PTP4A2: variants seen among roughly 807,000 people sequenced by gnomAD.
PTP4A2 encodes protein tyrosine phosphatase 4A2.
A neutral mutation model predicts 22.9 loss-of-function variants in PTP4A2; 2 were observed. The ratio of observed to expected loss-of-function variants is 0.09; its 90% CI spans 0.04 to 0.27. The LOEUF (loss-of-function observed/expected upper bound fraction) is 0.27, where lower values mean the gene tolerates loss of function less well. PTP4A2 is among the 10% of genes least tolerant of loss of function. PTP4A2 has a pLI of 1.00. For synonymous variants in PTP4A2, 68 were observed against 69.1 expected (o/e 0.98, Z 0.08); for missense variants, 103 against 205.1 (o/e 0.50, Z 3.04).
intron 1 of PTP4A2, among the ~76,000 whole-genome samples, chr1:31,927,227 T>C (rs1018878302): frequency 4.2e-4 from 64 of 152,314 alleles, no homozygotes; most frequent in African/African-American, 1.5e-3. Context: ...CTGGAGGCCA[T>C]TATCCTAAGC....
chr1:31,936,341 AG>A (rs962295479), intron 1 of PTP4A2, among the ~76,000 whole-genome samples: 1 of 151,800 alleles, frequency 6.6e-6, no homozygotes, highest in African/African-American at 2.4e-5. Context: ...TGGGAGGCTG[AG>A]GCGGGAAGAT....
intron 3 of PTP4A2, chr1:31,915,680 C>A (rs1318989542): frequency 2.8e-6 from 1 of 358,446 alleles, no homozygotes; most frequent in Non-Finnish European, 5.2e-6. Flanking sequence ...GCTGGGACCA[C>A]AGGTGTGCAC....
chr1:31,929,551 T>G (rs1408979558), intron 1 of PTP4A2, among the ~76,000 whole-genome samples: 3 of 152,222 alleles, frequency 2.0e-5, no homozygotes, highest in Non-Finnish European at 4.4e-5. Context: ...CTAAATAACT[T>G]TGGTAACCTT....
chr1:31,935,120 T>TTATC (rs1652878345), intron 1 of PTP4A2, among the ~76,000 whole-genome samples: 1 of 152,214 alleles, frequency 6.6e-6, no homozygotes, highest in Admixed American at 6.5e-5. Context: ...CAGAGAAACT[T>TTATC]TGATACAGTG....
At chr1:31,913,165 C>G (rs571082168) in intron 3 of PTP4A2, 6 of 304,156 alleles carry the variant, frequency 2.0e-5, no homozygotes, top group Middle Eastern at 1.2e-3. Context: ...CAATGTGTGT[C>G]TGGTTTGCAA....
chr1:31,910,615 A>G (rs1651486300), intron 4 of PTP4A2: 1 of 152,560 alleles, frequency 6.6e-6, no homozygotes, highest in Admixed American at 6.5e-5. Context: ...ACTTTTAGTA[A>G]AGCACTAAAT....
At position 31,906,555 on chromosome 1, in the gene PTP4A2, G is replaced by A. The variant is rs1374531338; in HGVS notation, c.*2297C>T. The A allele has an allele frequency of 5.3e-5, 8 of 151,710 alleles. No homozygotes were observed. The highest frequency in any genetic ancestry group is 4.6e-4 in the Admixed American group (7 of 15,254). 9.4% of individuals were successfully genotyped at this position (151,710 alleles called of 1,614,324 possible). A position where few individuals can be genotyped will look rare whatever the true frequency, so the allele number is the denominator to read the frequency against. Reference sequence around the variant, plus strand: ...TCAGCTAGCAATACTTCATTAAATCGAAAAGAAAAAAATTGCTTTAAGGAA... The same window carrying A: ...TCAGCTAGCAATACTTCATTAAATCAAAAAGAAAAAAATTGCTTTAAGGAA... On this transcript the variant is annotated 3_prime_UTR_variant, in exon 6 of 6. Transcript: ENST00000647444.
rs561507646 is a variant in PTP4A2, at chr1:31,918,867, G to C, written c.96+103C>G. On this transcript the variant is annotated intron_variant, in intron 2 of 5. Transcript: ENST00000647444. Reference sequence around the variant, plus strand: ...AACCCAATTCAAACCAGGATTGGCAGGATGACTCCAAATACAGAATAAATG... The same window carrying C: ...AACCCAATTCAAACCAGGATTGGCACGATGACTCCAAATACAGAATAAATG... 19 of 672,828 alleles carry C rather than the reference G, an allele frequency of 2.8e-5. No individual in the cohort carries two copies. The South Asian group carries it at 3.4e-4, about 12-fold the overall frequency. The allele number at this position is 672,828 out of a possible 1,614,324, so 41.7% of individuals were successfully genotyped here.
At chr1:31,928,240 CATAAT>C (rs1206138361) in intron 1 of PTP4A2, among the ~76,000 whole-genome samples, 15 of 146,708 alleles carry the variant, frequency 1.0e-4, no homozygotes, top group African/African-American at 2.7e-4. Context: ...TAATATATAG[CATAAT>C]ATAATTATAT....
At chr1:31,923,439 A>G (rs1031344541) in intron 1 of PTP4A2, among the ~76,000 whole-genome samples, 1 of 141,098 alleles carries the variant, frequency 7.1e-6, no homozygotes, top group African/African-American at 2.7e-5. Context: ...GGTTCACGCC[A>G]TTCTCCTGCC....
At chr1:31,930,606 C>T (rs1652685920) in intron 1 of PTP4A2, among the ~76,000 whole-genome samples, 1 of 152,170 alleles carries the variant, frequency 6.6e-6, no homozygotes, top group Non-Finnish European at 1.5e-5. Flanking sequence ...TCCCCTATAA[C>T]TGGGTAAGTT....
At chr1:31,922,929 TTTTTA>T (rs1652257532) in intron 1 of PTP4A2, among the ~76,000 whole-genome samples, 1 of 151,384 alleles carries the variant, frequency 6.6e-6, no homozygotes, top group African/African-American at 2.4e-5. Flanking sequence ...GCCCAAATAC[TTTTTA>T]TCTTTTTTTT....
At chr1:31,909,587 G>A (rs748113839) in intron 5 of PTP4A2, among the ~76,000 whole-genome samples, 39 of 151,802 alleles carry the variant, frequency 2.6e-4, no homozygotes, top group Non-Finnish European at 4.6e-4. Flanking sequence ...CAGTAGAATC[G>A]CTTGAACCCA....
At chr1:31,935,238 A>G (rs1652884525) in intron 1 of PTP4A2, among the ~76,000 whole-genome samples, 1 of 152,180 alleles carries the variant, frequency 6.6e-6, no homozygotes, top group South Asian at 2.1e-4. Context: ...TCCCTCACGC[A>G]GACATATCCC....
At chr1:31,927,173 TA>T (rs1363753094) in intron 1 of PTP4A2, among the ~76,000 whole-genome samples, 1 of 152,046 alleles carries the variant, frequency 6.6e-6, no homozygotes, top group Non-Finnish European at 1.5e-5. Flanking sequence ...CTCAAAGCCA[TA>T]AAAAATAATG....
At chr1:31,926,151 T>A (rs371485241) in intron 1 of PTP4A2, among the ~76,000 whole-genome samples, 4,223 of 132,946 alleles carry the variant, frequency 0.032, 78 homozygotes, top group African/African-American at 0.045. Context: ...AAAAAAAAAA[T>A]ATATATATAT....
chr1:31,930,066 T>G (rs190909586), intron 1 of PTP4A2, among the ~76,000 whole-genome samples: 1 of 151,988 alleles, frequency 6.6e-6, no homozygotes, highest in Non-Finnish European at 1.5e-5. Flanking sequence ...GGGCCGGGCG[T>G]GGTGGCTCAC....
At chr1:31,914,052 C>T in intron 3 of PTP4A2, 1 of 381,378 alleles carries the variant, frequency 2.6e-6, no homozygotes. Context: ...AAATTATTAC[C>T]ATGCCAAACT....
intron 1 of PTP4A2, 193 bp downstream of exon 1, chr1:31,937,794 A>G: frequency 6.7e-6 from 1 of 149,018 alleles, no homozygotes; most frequent in Non-Finnish European, 1.5e-5. Context: ...CCACGCTCGC[A>G]CAGCTCTCTC....
Sources: gnomAD v4.1 joint callset for allele counts (sites outside exome capture counted in the v4.1 genomes callset) on GRCh38, gnomAD v4.1.1 for gene constraint, MANE v1.5 for transcripts, NCBI Gene and HGNC (gene_info 2026-07-23, HGNC 2026-07-21) for gene names.